Variants in LIMK2 observed in about 807,000 individuals in gnomAD.
The protein encoded by LIMK2 is LIM domain kinase 2.
In LIMK2, 35 loss-of-function variants were observed where a neutral mutation model predicts 75.7. The observed-to-expected ratio is 0.46, with a 90% CI of 0.35 to 0.61. The LOEUF (loss-of-function observed/expected upper bound fraction) is 0.61, where lower values mean the gene tolerates loss of function less well. LIMK2 is among the 20% of genes least tolerant of loss of function. The probability of loss-of-function intolerance (pLI) is 0.00; values close to 1 mark genes in which losing one functional copy is unlikely to be tolerated. For missense variants in LIMK2, 623 were observed against 831.0 expected, an observed-to-expected ratio of 0.75 and a Z score of 3.08; for synonymous variants, 301 against 319.2, an observed-to-expected ratio of 0.94 and a Z score of 0.61.
intron 5 of LIMK2, among the ~76,000 whole-genome samples, chr22:31,261,785 A>G (rs976868790): frequency 6.6e-6 from 1 of 152,196 alleles, no homozygotes; most frequent in African/African-American, 2.4e-5. Flanking sequence ...AATTAAAAAC[A>G]AAGTTTAAAA....
In LIMK2 at chr22:31,225,805, C is replaced by G. The variant is rs774026687; in HGVS notation, c.102C>G (p.His34Gln). 1 of 1,613,574 alleles carries G rather than the reference C, an allele frequency of 6.2e-7. No homozygotes were observed. Among genetic ancestry groups the G allele is most frequent in the African/African-American group, 1.3e-5 (1 of 74,928 alleles). ...ACAGGACTGTCAACGAAACCTGGCA[C>G]GGCTCTTGCTTCCGGTAGGTGGGCC... ...IWYRTVNETW[H>Q]GSCFRCSECQ... is the part of the protein sequence containing the mutation. The change falls in exon 2 of 16, where the codon CAC (histidine) becomes CAG (glutamine). Residue 34 changes from histidine to glutamine, a missense_variant. Transcript: ENST00000331728.
In LIMK2 at chr22:31,273,407, G is replaced by C. The variant is rs754156500; in HGVS notation, c.1559-45G>C. ...TGACCCTAGACCCAGTGCAGAGCAG[G>C]TAAGGGATGTAAACTTAACAGTGTG... is the stretch of plus-strand genomic sequence containing the variant. On this transcript the variant is annotated intron_variant, in intron 13 of 15. Transcript: ENST00000331728. 5.8e-6 allele frequency: 9 copies of C among 1,549,470 alleles called. 1 individual carries two copies. The highest frequency in any genetic ancestry group is 2.2e-5 in the South Asian group (2 of 89,656).
At chr22:31,237,638 A>T (rs2048590737) in intron 2 of LIMK2, among the ~76,000 whole-genome samples, 1 of 152,056 alleles carries the variant, frequency 6.6e-6, no homozygotes, top group African/African-American at 2.4e-5. Flanking sequence ...ACTGTGAATA[A>T]AAGTGTGTGT....
chr22:31,234,275 G>C (rs2048552676), intron 2 of LIMK2, among the ~76,000 whole-genome samples: 1 of 148,788 alleles, frequency 6.7e-6, no homozygotes, highest in Non-Finnish European at 1.5e-5. Context: ...GCCTCCCAAA[G>C]TGCTGGGATT....
chr22:31,244,168 A>C (rs1047548375), intron 2 of LIMK2, among the ~76,000 whole-genome samples: 1 of 152,124 alleles, frequency 6.6e-6, no homozygotes, highest in African/African-American at 2.4e-5. Context: ...ATTCCTAGAC[A>C]CCGACTCACT....
chr22:31,228,851 G>A (rs1418725783), intron 2 of LIMK2, among the ~76,000 whole-genome samples: 2 of 152,012 alleles, frequency 1.3e-5, no homozygotes, highest in Non-Finnish European at 1.5e-5. Context: ...GCTGAGGAGC[G>A]ATGATTACCT....
intron 2 of LIMK2, among the ~76,000 whole-genome samples, chr22:31,233,913 A>G (rs2048549528): frequency 6.6e-6 from 1 of 152,134 alleles, no homozygotes; most frequent in African/African-American, 2.4e-5. Context: ...CCAAGCTACC[A>G]TCATCTCACC....
At chr22:31,255,983 T>G (rs1194140544) in intron 2 of LIMK2, among the ~76,000 whole-genome samples, 1 of 81,308 alleles carries the variant, frequency 1.2e-5, no homozygotes, top group East Asian at 5.4e-4. Flanking sequence ...TGGGTCTTTT[T>G]TTTTTTTTTT....
intron 5 of LIMK2, among the ~76,000 whole-genome samples, chr22:31,261,454 G>A (rs909839627): frequency 6.6e-6 from 1 of 151,950 alleles, no homozygotes; most frequent in African/African-American, 2.4e-5. Flanking sequence ...GCTGAGGCAG[G>A]AGAATGGCAT....
At chr22:31,214,967 T>C (rs1400971393) in intron 1 of LIMK2, among the ~76,000 whole-genome samples, 1 of 152,182 alleles carries the variant, frequency 6.6e-6, no homozygotes, top group Non-Finnish European at 1.5e-5. Flanking sequence ...AGCTAATTTT[T>C]TGTATTTTTA....
chr22:31,229,192 C>G lies in LIMK2; in HGVS notation c.116+3373C>G, dbSNP rs527945211. ...TTCTGTCTCCTAGTTGCAGCTTTAC[C>G]TTGAGGACAGAGACTCTAATCCAGC... On this transcript the variant is annotated intron_variant, in intron 2 of 15. Coordinates refer to ENST00000331728, the MANE Select transcript of LIMK2 (RefSeq NM_005569.4). Among the ~76,000 whole-genome samples, 5 of 152,272 alleles carry G rather than the reference C, an allele frequency of 3.3e-5. No individual in the cohort carries two copies. In the South Asian group the frequency reaches 6.2e-4, roughly 19 times the overall value.
At chr22:31,256,565 C>T (rs2048784542) in intron 2 of LIMK2, among the ~76,000 whole-genome samples, 1 of 152,038 alleles carries the variant, frequency 6.6e-6, no homozygotes, top group Non-Finnish European at 1.5e-5. Context: ...GTCTCGAACT[C>T]CTGACTTCAA....
In LIMK2 at chr22:31,265,939, T is replaced by G; in HGVS notation, c.855-7T>G. 1.2e-6 allele frequency: 2 copies of G among 1,613,690 alleles called. No homozygotes were observed. The highest frequency in any genetic ancestry group is 2.7e-5 in the African/African-American group (2 of 75,046). On this transcript the variant is annotated splice_polypyrimidine_tract_variant and splice_region_variant and intron_variant, in intron 7 of 15. Coordinates refer to ENST00000331728, the MANE Select transcript of LIMK2 (RefSeq NM_005569.4). ...ACATCCCTACTCCCGTCTTTCCTCA[T>G]CTTCAGGCGCAGTAACAGTATCTCC... is the stretch of plus-strand genomic sequence containing the variant.
intron 2 of LIMK2, among the ~76,000 whole-genome samples, chr22:31,226,626 T>C (rs1206713926): frequency 6.6e-6 from 1 of 152,262 alleles, no homozygotes; most frequent in African/African-American, 2.4e-5. Flanking sequence ...GTTATTATTA[T>C]TGAGACAGAG....
intron 5 of LIMK2, among the ~76,000 whole-genome samples, chr22:31,260,997 G>A (rs1381426023): frequency 6.6e-6 from 1 of 152,210 alleles, no homozygotes; most frequent in Non-Finnish European, 1.5e-5. Context: ...AGAGGGGAAA[G>A]CCTAAAGGTA....
intron 2 of LIMK2, among the ~76,000 whole-genome samples, chr22:31,227,704 A>T (rs2048491245): frequency 6.6e-6 from 1 of 152,218 alleles, no homozygotes; most frequent in African/African-American, 2.4e-5. Flanking sequence ...GAGTTCACAG[A>T]TTGGGTCTCG....
At chr22:31,240,948 A>G (rs1439996401) in intron 2 of LIMK2, among the ~76,000 whole-genome samples, 4 of 152,210 alleles carry the variant, frequency 2.6e-5, no homozygotes, top group African/African-American at 9.6e-5. Flanking sequence ...TCTCGTTTGT[A>G]ACAAGGTAAT....
chr22:31,240,568 C>T (rs1190990644), intron 2 of LIMK2, among the ~76,000 whole-genome samples: 2 of 151,908 alleles, frequency 1.3e-5, no homozygotes, highest in African/African-American at 2.4e-5. Context: ...TTACTACAGG[C>T]GCACACCCCC....
chr22:31,262,064 T>G lies in LIMK2; in HGVS notation c.552-70T>G, dbSNP rs1337156518. On this transcript the variant is annotated intron_variant, in intron 5 of 15. Coordinates refer to ENST00000331728, the MANE Select transcript of LIMK2 (RefSeq NM_005569.4). The surrounding 1 kb of genome is among the most constrained non-coding windows in gnomAD (Gnocchi z 5.0). ...GGCCTGGGACCTGGTAAACCTTCCCTGCACAAGCAGAATTGGTCAAGCAGG... is the reference window on the plus strand; with the variant it reads ...GGCCTGGGACCTGGTAAACCTTCCCGGCACAAGCAGAATTGGTCAAGCAGG... 7.7e-7 allele frequency: 1 copy of G among 1,305,734 alleles called. No homozygotes were observed. The highest frequency in any genetic ancestry group is 1.5e-5 in the African/African-American group (1 of 68,764). 80.9% of individuals were successfully genotyped at this position (1,305,734 alleles called of 1,614,324 possible).
Sources: gnomAD v4.1 joint callset for allele counts (sites outside exome capture counted in the v4.1 genomes callset) on GRCh38, gnomAD v4.1.1 for gene constraint, Gnocchi (gnomAD v3.1) non-coding constraint, MANE v1.5 for transcripts, NCBI Gene and HGNC (gene_info 2026-07-23, HGNC 2026-07-21) for gene names.